The following COLEC12 variants were observed in gnomAD, a reference collection of about 807,000 sequenced individuals.
The protein encoded by COLEC12 is collectin-12.
In COLEC12, 33 loss-of-function variants were observed where a neutral mutation model predicts 71.1. That is an observed-to-expected ratio of 0.46 (90% CI 0.35 to 0.62). COLEC12 has a LOEUF of 0.62. Among genes scored for constraint, COLEC12 ranks in the 20% least tolerant of loss-of-function variants. The probability of loss-of-function intolerance (pLI) is 0.00; values close to 1 mark genes in which losing one functional copy is unlikely to be tolerated. For missense variants in COLEC12, 765 were observed against 916.1 expected (o/e 0.84, Z 2.13); for synonymous variants, 350 against 353.0 (o/e 0.99, Z 0.10).
chr18:368,675 T>A (rs12968429), intron 2 of COLEC12, among the ~76,000 whole-genome samples: 2 of 151,478 alleles, frequency 1.3e-5, no homozygotes, highest in Admixed American at 1.3e-4. Flanking sequence ...CCAGCCTGGC[T>A]AACATGGTGA....
intron 9 of COLEC12, 63 bp from the exon 10 acceptor site, chr18:320,127 CA>C (rs1048561400): frequency 2.0e-5 from 18 of 909,796 alleles, no homozygotes; most frequent in East Asian, 4.9e-5. Context: ...ATGTGCAATT[CA>C]AAAAAAGGGA....
intron 2 of COLEC12, among the ~76,000 whole-genome samples, chr18:470,374 G>A (rs1373533315): frequency 6.6e-6 from 1 of 151,874 alleles, no homozygotes; most frequent in Non-Finnish European, 1.5e-5. Flanking sequence ...TGGGATGACA[G>A]GGGCCCACCA....
At chr18:387,556 T>C (rs551606071) in intron 2 of COLEC12, among the ~76,000 whole-genome samples, 1 of 152,318 alleles carries the variant, frequency 6.6e-6, no homozygotes, top group East Asian at 1.9e-4. Flanking sequence ...TGGACATGTT[T>C]GAAGGCGTCA....
chr18:337,673 G>A (rs894856014), intron 5 of COLEC12, among the ~76,000 whole-genome samples: 5 of 152,134 alleles, frequency 3.3e-5, no homozygotes, highest in African/African-American at 1.2e-4. Context: ...AGCTCCTGTT[G>A]ACTCCTCCTT....
At chr18:470,301 G>A (rs1243074722) in intron 2 of COLEC12, among the ~76,000 whole-genome samples, 1 of 128,940 alleles carries the variant, frequency 7.8e-6, no homozygotes, top group African/African-American at 3.0e-5. Context: ...GTGCAATCTT[G>A]GTTCACTGCA....
At chr18:439,436 C>G (rs1055037208) in intron 2 of COLEC12, among the ~76,000 whole-genome samples, 1 of 150,348 alleles carries the variant, frequency 6.7e-6, no homozygotes, top group Non-Finnish European at 1.5e-5. Context: ...AGAATTATAC[C>G]CTAACTAATA....
intron 2 of COLEC12, among the ~76,000 whole-genome samples, chr18:368,747 T>C (rs1343271251): frequency 6.6e-6 from 1 of 152,070 alleles, no homozygotes; most frequent in Non-Finnish European, 1.5e-5. Context: ...GCGCCTGTAG[T>C]CCCAGCTACT....
chr18:450,101 T>G (rs1916730359), intron 2 of COLEC12, among the ~76,000 whole-genome samples: 1 of 152,212 alleles, frequency 6.6e-6, no homozygotes, highest in Non-Finnish European at 1.5e-5. Context: ...TTAAGTTACA[T>G]GAAGGGAAAA....
intron 2 of COLEC12, among the ~76,000 whole-genome samples, chr18:453,195 T>C (rs1176035018): frequency 6.6e-6 from 1 of 152,238 alleles, no homozygotes; most frequent in East Asian, 1.9e-4. Flanking sequence ...TAGCATCGTA[T>C]GATCAGTGTC....
intron 2 of COLEC12, among the ~76,000 whole-genome samples, chr18:441,054 C>T (rs1461838224): frequency 1.3e-5 from 2 of 149,266 alleles, no homozygotes; most frequent in Non-Finnish European, 3.0e-5. Context: ...GGAGACCATC[C>T]TGGCTAACAC....
At chr18:434,030 A>C (rs572591371) in intron 2 of COLEC12, among the ~76,000 whole-genome samples, 1 of 151,808 alleles carries the variant, frequency 6.6e-6, no homozygotes, top group African/African-American at 2.4e-5. Context: ...AAACATAATT[A>C]AGAGAGAGAA....
At chr18:473,718 A>T (rs977299324) in intron 2 of COLEC12, among the ~76,000 whole-genome samples, 2 of 152,212 alleles carry the variant, frequency 1.3e-5, no homozygotes, top group Non-Finnish European at 2.9e-5. Flanking sequence ...AGTTGCTTGC[A>T]GTTGCTACCA....
chr18:461,417 T>C (rs537550600), intron 2 of COLEC12, among the ~76,000 whole-genome samples: 115 of 152,346 alleles, frequency 7.5e-4, no homozygotes, highest in African/African-American at 2.7e-3. Context: ...GACTGGGTCT[T>C]GCTCTGTCGC....
chr18:466,024 C>T (rs1917078919), intron 2 of COLEC12, among the ~76,000 whole-genome samples: 2 of 152,094 alleles, frequency 1.3e-5, no homozygotes, highest in Non-Finnish European at 1.5e-5. Flanking sequence ...GCACAGATTG[C>T]ACCATTGTAC....
chr18:368,674 C>CTA (rs1914915445), intron 2 of COLEC12, among the ~76,000 whole-genome samples: 1 of 151,752 alleles, frequency 6.6e-6, no homozygotes, highest in African/African-American at 2.4e-5. Context: ...ACCAGCCTGG[C>CTA]TAACATGGTG....
At chr18:368,832 C>CTCCA (rs760263338) in intron 2 of COLEC12, among the ~76,000 whole-genome samples, 2 of 152,210 alleles carry the variant, frequency 1.3e-5, no homozygotes, top group Non-Finnish European at 2.9e-5. Flanking sequence ...CGTCACTGCA[C>CTCCA]TCCAGCCTGG....
At chr18:389,258 T>C (rs1915410665) in intron 2 of COLEC12, among the ~76,000 whole-genome samples, 2 of 151,346 alleles carry the variant, frequency 1.3e-5, no homozygotes, top group African/African-American at 4.9e-5. Flanking sequence ...GCAGCAATTT[T>C]TTTTTTTTTT....
At chr18:354,750 A>G (rs1457084660) in intron 3 of COLEC12, among the ~76,000 whole-genome samples, 1 of 148,982 alleles carries the variant, frequency 6.7e-6, no homozygotes, top group Non-Finnish European at 1.5e-5. Context: ...TGCATGTTGT[A>G]TTATCTTTTT....
At chr18:499,113 A>C (rs1253169809) in intron 1 of COLEC12, among the ~76,000 whole-genome samples, 1 of 152,162 alleles carries the variant, frequency 6.6e-6, no homozygotes, top group Non-Finnish European at 1.5e-5. Context: ...TTTCCTTTCT[A>C]GGGAGTCTCC....
Sources: gnomAD v4.1 joint callset for allele counts (sites outside exome capture counted in the v4.1 genomes callset) on GRCh38, gnomAD v4.1.1 for gene constraint, MANE v1.5 for transcripts, NCBI Gene and HGNC (gene_info 2026-07-23, HGNC 2026-07-21) for gene names.